Variants in MAP6 observed in about 807,000 individuals in gnomAD.
The protein encoded by MAP6 is microtubule-associated protein 6.
Under a neutral mutation model 42.4 loss-of-function variants are expected in MAP6, and 26 were observed. The ratio of observed to expected loss-of-function variants is 0.61; its 90% confidence interval spans 0.45 to 0.85. The LOEUF is 0.85. Ranked by LOEUF, MAP6 falls within the 40% of genes least tolerant of loss-of-function variation. The pLI, the probability that MAP6 is intolerant of heterozygous loss-of-function variation, is 0.00. For synonymous variants in MAP6, 418 were observed against 443.8 expected (o/e 0.94, Z 0.73); for missense variants, 966 against 1,099.0 (o/e 0.88, Z 1.71).
At chr11:75,620,935 C>T (rs1227400287) in intron 1 of MAP6, among the ~76,000 whole-genome samples, 1 of 152,058 alleles carries the variant, frequency 6.6e-6, no homozygotes, top group Non-Finnish European at 1.5e-5. Flanking sequence ...TAGAGACCAT[C>T]CTGGCTAACA....
intron 3 of MAP6, among the ~76,000 whole-genome samples, chr11:75,591,724 C>T (rs1942480267): frequency 6.6e-6 from 1 of 152,248 alleles, no homozygotes; most frequent in African/African-American, 2.4e-5. Context: ...GCACTAACCT[C>T]TCAGAAAGTA....
intron 1 of MAP6, among the ~76,000 whole-genome samples, chr11:75,658,846 CA>C (rs1267525250): frequency 6.6e-6 from 1 of 152,210 alleles, no homozygotes; most frequent in Non-Finnish European, 1.5e-5. Flanking sequence ...TTTCAAGACT[CA>C]GGCTACTAGT....
Position 75,587,349 on chromosome 11 carries a change from G to A in MAP6, c.2152C>T (p.Pro718Ser), listed in dbSNP as rs749787530. Residue 718 changes from proline to serine, a missense_variant, in exon 4 of 4, where the codon CCC becomes TCC. By Grantham distance (74) the Pro-to-Ser change is moderately conservative (BLOSUM62 -1). This residue lies in a region of MAP6 where 943 missense variants were observed against 1,049.9 expected (regional missense o/e 0.90). Coordinates refer to ENST00000304771, the MANE Select transcript of MAP6 (RefSeq NM_033063.2). The part of the protein sequence containing the change: ...VVPESVKNQD[P>S]ILPVLVKDQG... Reference sequence around the variant, plus strand: ...TCCTTAACTAGTACTGGGAGAATGGGGTCTTGATTCTTCACGGACTCGGGG... The same window carrying A: ...TCCTTAACTAGTACTGGGAGAATGGAGTCTTGATTCTTCACGGACTCGGGG... 3 of 1,613,966 alleles carry A rather than the reference G, an allele frequency of 1.9e-6. No individual in the cohort carries two copies. Among genetic ancestry groups the A allele is most frequent in the Non-Finnish European group, 1.7e-6 (2 of 1,180,036 alleles).
chr11:75,613,770 G>A (rs1432897656), intron 1 of MAP6, among the ~76,000 whole-genome samples: 2 of 152,192 alleles, frequency 1.3e-5, no homozygotes, highest in Non-Finnish European at 1.5e-5. Context: ...GGGTTTAAAT[G>A]ACTCTTTGAT....
intron 1 of MAP6, among the ~76,000 whole-genome samples, chr11:75,635,029 G>C (rs1430747132): frequency 6.6e-6 from 1 of 152,202 alleles, no homozygotes; most frequent in Non-Finnish European, 1.5e-5. Context: ...TCAGAGATTT[G>C]ATAATAATGA....
chr11:75,608,057 T>C, intron 2 of MAP6, 52 bp downstream of exon 2: 1 of 1,566,664 alleles, frequency 6.4e-7, no homozygotes, highest in African/African-American at 1.4e-5. Context: ...CTGCTGCAGT[T>C]AACCCTTATG....
Position 75,610,748 on chromosome 11 carries a change from C to T in MAP6, c.906-2426G>A, listed in dbSNP as rs532447420. On this transcript the variant is annotated intron_variant, in intron 1 of 3. Coordinates refer to ENST00000304771, the MANE Select transcript of MAP6 (RefSeq NM_033063.2). ...GTTAGGAAGTAGGGGAAGCAGGGGG[C>T]GGAGAAGAGGGTGCTGGGTCAAGAG... Among the ~76,000 whole-genome samples, 7 of 151,422 alleles carry T rather than the reference C, an allele frequency of 4.6e-5. No individual in the cohort carries two copies. The East Asian group carries it at 9.7e-4, about 21-fold the overall frequency.
intron 1 of MAP6, among the ~76,000 whole-genome samples, chr11:75,645,313 C>T (rs1943537880): frequency 6.7e-6 from 1 of 148,720 alleles, no homozygotes. Context: ...CCAGGGAAGT[C>T]TAAGGATGTC....
intron 1 of MAP6, among the ~76,000 whole-genome samples, chr11:75,628,571 AG>A (rs1943235331): frequency 6.6e-6 from 1 of 152,240 alleles, no homozygotes; most frequent in Admixed American, 6.5e-5. Context: ...CCTCTGCAGC[AG>A]GCCAGAGCGG....
chr11:75,634,070 G>A lies in MAP6; in HGVS notation c.906-25748C>T, dbSNP rs532531285. Among the ~76,000 whole-genome samples the A allele has an allele frequency of 1.7e-4, 26 of 152,270 alleles. No individual in the cohort carries two copies. In the East Asian group the frequency reaches 4.1e-3, roughly 24 times the overall value. On this transcript the variant is annotated intron_variant, in intron 1 of 3. Coordinates refer to ENST00000304771, the MANE Select transcript of MAP6 (RefSeq NM_033063.2). The stretch of plus-strand genomic sequence containing the variant: ...GATAGTCCAGATAAAAGATTATGAC[G>A]GGGTGGGCGACAGTAGCTGCGTCCC...
intron 3 of MAP6, 140 bp downstream of exon 3, chr11:75,605,668 C>T (rs2135586015): frequency 1.4e-6 from 2 of 1,453,270 alleles, no homozygotes; most frequent in South Asian, 1.5e-5. Context: ...AACCAAAGAG[C>T]TCCTGGAACA....
At chr11:75,621,048 G>C (rs1441129470) in intron 1 of MAP6, among the ~76,000 whole-genome samples, 1 of 150,974 alleles carries the variant, frequency 6.6e-6, no homozygotes, top group Admixed American at 6.6e-5. Context: ...GGAGAATGGC[G>C]TGAACCCAGG....
At chr11:75,609,239 G>A (rs565533885) in intron 1 of MAP6, among the ~76,000 whole-genome samples, 16 of 152,328 alleles carry the variant, frequency 1.1e-4, no homozygotes, top group South Asian at 1.0e-3. Context: ...CACAGGCCAC[G>A]AGGGTCTATT....
In MAP6 at chr11:75,667,497, C is replaced by G. The variant is rs1220849745; in HGVS notation, c.873G>C (p.Glu291Asp). Residue 291 changes from glutamate to aspartate, a missense_variant, in exon 1 of 4, where the codon GAG (glutamate) becomes GAC (aspartate). Coordinates refer to ENST00000304771, the MANE Select transcript of MAP6 (RefSeq NM_033063.2). This position sits in a 1 kb window ranked among gnomAD's most constrained non-coding sequence, Gnocchi z 5.6. ...AGCTGCTCACTGCACTCGCCACCTC[C>G]TCGCGGATTTGCCGGTTGAGGGCGT... ...AADALNRQIR[E>D]EVASAVSSSY... The G allele has an allele frequency of 3.3e-6, 5 of 1,510,662 alleles. No homozygotes were observed. The East Asian group carries it at 1.4e-4, about 42-fold the overall frequency. 93.6% of individuals were successfully genotyped at this position (1,510,662 alleles called of 1,614,324 possible). A position where few individuals can be genotyped will look rare whatever the true frequency, so the allele number is the denominator to read the frequency against.
At chr11:75,604,447 T>G in intron 3 of MAP6, 1 of 985,402 alleles carries the variant, frequency 1.0e-6, no homozygotes, top group Non-Finnish European at 1.2e-6. Flanking sequence ...CGCCGGGGCT[T>G]GACACCGGAC....
chr11:75,636,723 C>T (rs941116470), intron 1 of MAP6, among the ~76,000 whole-genome samples: 1 of 152,196 alleles, frequency 6.6e-6, no homozygotes, highest in Non-Finnish European at 1.5e-5. Flanking sequence ...GCCCCTGTGC[C>T]CCAGAGCCCA....
At chr11:75,649,929 T>G (rs1245492482) in intron 1 of MAP6, among the ~76,000 whole-genome samples, 8 of 152,014 alleles carry the variant, frequency 5.3e-5, no homozygotes, top group African/African-American at 7.3e-5. Flanking sequence ...TGTTAAGTTC[T>G]CCAAAAAAAC....
chr11:75,607,097 G>GCC (rs982099051), intron 2 of MAP6: 2 of 404,528 alleles, frequency 4.9e-6, no homozygotes, highest in African/African-American at 4.4e-5. Flanking sequence ...CTCCTGACCT[G>GCC]TAAGGAAAGG....
intron 1 of MAP6, among the ~76,000 whole-genome samples, chr11:75,660,134 C>G (rs1943818066): frequency 6.6e-6 from 1 of 152,162 alleles, no homozygotes; most frequent in Non-Finnish European, 1.5e-5. Context: ...CCTCCTTCAA[C>G]TTTTTCATGG....
Sources: allele counts gnomAD v4.1 joint callset (sites outside exome capture counted in the v4.1 genomes callset), GRCh38; gene constraint gnomAD v4.1.1; regional missense constraint gnomAD v4.1.1; non-coding constraint Gnocchi (gnomAD v3.1); transcripts MANE v1.5; gene names NCBI Gene and HGNC (gene_info 2026-07-23, HGNC 2026-07-21).